The following TCP11L2 variants were observed in gnomAD, a reference collection of about 807,000 sequenced individuals.
TCP11L2 encodes the protein T-complex protein 11-like protein 2.
In TCP11L2, 39 loss-of-function variants were observed where a neutral mutation model predicts 50.7. The ratio of observed to expected loss-of-function variants is 0.77; its 90% confidence interval spans 0.60 to 1.01. The LOEUF is 1.01. Among genes scored for constraint, TCP11L2 ranks in the 50% least tolerant of loss-of-function variants. The pLI, the probability that TCP11L2 is intolerant of heterozygous loss-of-function variation, is 0.00. For missense variants in TCP11L2, 612 were observed against 614.7 expected, an observed-to-expected ratio of 1.00 and a Z score of 0.05; for synonymous variants, 192 against 219.3, an observed-to-expected ratio of 0.88 and a Z score of 1.10.
rs764092592 is a variant in TCP11L2 at position 106,335,800 on chromosome 12, G to C, written c.934G>C (p.Asp312His). The C allele has an allele frequency of 6.2e-7, 1 of 1,612,948 alleles. No individual in the cohort carries two copies. Among genetic ancestry groups the C allele is most frequent in the Non-Finnish European group, 8.5e-7 (1 of 1,179,748 alleles). The part of the protein sequence containing the change: ...NNSYLKLLQW[D>H]YQKKELPETL... The stretch of plus-strand genomic sequence containing the variant: ...TAGTTACTTGAAACTGTTACAGTGG[G>C]ATTATCAGAAAAAAGAATTACCAGA... The change falls in exon 7 of 10, where the codon GAT becomes CAT. Residue 312 changes from aspartate (D) to histidine (H), a missense_variant. Physicochemically the swap from Asp to His is moderately conservative, Grantham distance 81. Transcript: ENST00000299045.
At chr12:106,341,379 CAA>C (rs1475599689) in intron 9 of TCP11L2, among the ~76,000 whole-genome samples, 2 of 152,166 alleles carry the variant, frequency 1.3e-5, no homozygotes, top group Non-Finnish European at 2.9e-5. Flanking sequence ...CTTAAAGAGA[CAA>C]AGACTAAAAA....
intron 9 of TCP11L2, among the ~76,000 whole-genome samples, chr12:106,345,449 T>A (rs527532803): frequency 6.6e-6 from 1 of 152,350 alleles, no homozygotes; most frequent in South Asian, 2.1e-4. Flanking sequence ...TTGCCAGATC[T>A]CTAGATTTTT....
intron 6 of TCP11L2, among the ~76,000 whole-genome samples, chr12:106,332,271 G>A (rs773592504): frequency 1.9e-4 from 29 of 152,144 alleles, no homozygotes; most frequent in Non-Finnish European, 3.8e-4. Flanking sequence ...CTTATTAAAC[G>A]CAGTTACAAC....
At chr12:106,333,465 G>A (rs1295704422) in intron 6 of TCP11L2, among the ~76,000 whole-genome samples, 8 of 152,126 alleles carry the variant, frequency 5.3e-5, no homozygotes, top group Non-Finnish European at 1.2e-4. Context: ...GTTAAAAGTA[G>A]TTGAGTGAGG....
chr12:106,327,097 C>T (rs1458345930), intron 6 of TCP11L2, among the ~76,000 whole-genome samples: 1 of 152,194 alleles, frequency 6.6e-6, no homozygotes, highest in African/African-American at 2.4e-5. Context: ...AGCTTGGAAT[C>T]TTGAGCAAAT....
At chr12:106,303,751 A>G (rs990519600) in intron 1 of TCP11L2, 11 of 152,252 alleles carry the variant, frequency 7.2e-5, no homozygotes, top group African/African-American at 2.7e-4. Context: ...TCACAATGAT[A>G]GAGTTTCCTT....
chr12:106,343,969 T>C (rs1170405596), intron 9 of TCP11L2, among the ~76,000 whole-genome samples: 1 of 150,670 alleles, frequency 6.6e-6, no homozygotes, highest in Non-Finnish European at 1.5e-5. Flanking sequence ...CCATCTACAC[T>C]TTTAACAAGT....
intron 9 of TCP11L2, among the ~76,000 whole-genome samples, chr12:106,342,764 T>C (rs1221027401): frequency 6.6e-6 from 1 of 152,226 alleles, no homozygotes; most frequent in Non-Finnish European, 1.5e-5. Context: ...CCAGCCTGTC[T>C]GACTCCAGAG....
At chr12:106,335,363 T>C (rs2035879501) in intron 6 of TCP11L2, among the ~76,000 whole-genome samples, 1 of 152,216 alleles carries the variant, frequency 6.6e-6, no homozygotes, top group Non-Finnish European at 1.5e-5. Context: ...ACATCTAGAA[T>C]GTGCCATATG....
Position 106,346,445 on chromosome 12 carries a change from G to C in TCP11L2, c.1475G>C (p.Gly492Ala). 6.2e-7 allele frequency: 1 copy of C among 1,614,126 alleles called. No individual in the cohort carries two copies. The highest frequency in any genetic ancestry group is 1.3e-5 in the African/African-American group (1 of 75,034). ...GTGAATCTCAACAAACAAGTGTATGGACCATTTTATGCAAATATACTTCGA... is the reference window on the plus strand; with the variant it reads ...GTGAATCTCAACAAACAAGTGTATGCACCATTTTATGCAAATATACTTCGA... ...NIVNLNKQVYGPFYANILRKL... is the reference protein window; with the variant it reads ...NIVNLNKQVYAPFYANILRKL... The change falls in exon 10 of 10, where the codon GGA becomes GCA. Residue 492 changes from glycine (G) to alanine (A), a missense_variant. Transcript: ENST00000299045.
At chr12:106,328,522 C>T (rs752055963) in intron 6 of TCP11L2, among the ~76,000 whole-genome samples, 7 of 152,078 alleles carry the variant, frequency 4.6e-5, no homozygotes, top group Non-Finnish European at 8.8e-5. Context: ...CCAGCCTGGG[C>T]GACAGAGCAA....
At position 106,318,377 on chromosome 12, in the gene TCP11L2, G is replaced by C. The variant is rs909812620; in HGVS notation, c.327G>C (p.Gln109His). 1 of 1,613,870 alleles carries C rather than the reference G, an allele frequency of 6.2e-7. No individual in the cohort carries two copies. The highest frequency in any genetic ancestry group is 1.3e-5 in the African/African-American group (1 of 74,904). ...GTCGAGTGAAGCACATTGTTCACCA[G>C]GCCTTCTGGGACGTCTTGGATTCAG... ...LAGRVKHIVH[Q>H]AFWDVLDSEL... is the part of the protein sequence containing the mutation. Residue 109 changes from glutamine to histidine, a missense_variant, in exon 4 of 10, where the codon CAG (glutamine) becomes CAC (histidine). Transcript: ENST00000299045.
chr12:106,324,312 G>A (rs890098910), intron 6 of TCP11L2: 3 of 152,188 alleles, frequency 2.0e-5, no homozygotes, highest in Admixed American at 6.5e-5. Flanking sequence ...AGGGACTGCA[G>A]GTACAAAGGC....
At chr12:106,305,679 T>G (rs117337635) in intron 1 of TCP11L2, among the ~76,000 whole-genome samples, 2,789 of 152,352 alleles carry the variant, frequency 0.018, 37 homozygotes, top group Non-Finnish European at 0.028. Context: ...AAGCTCTAGC[T>G]GGCTCATTAG....
intron 1 of TCP11L2, chr12:106,303,707 T>C (rs1017193392): frequency 6.6e-6 from 1 of 152,244 alleles, no homozygotes; most frequent in Non-Finnish European, 1.5e-5. Flanking sequence ...TTTTCGTTAC[T>C]ATTAAGAAAA....
intron 9 of TCP11L2, 91 bp from the exon 10 acceptor site, chr12:106,346,195 G>C: frequency 7.5e-7 from 1 of 1,331,696 alleles, no homozygotes; most frequent in South Asian, 1.5e-5. Context: ...GAACATTATT[G>C]CAGTCAACCT....
chr12:106,333,867 A>G (rs1288728037), intron 6 of TCP11L2, among the ~76,000 whole-genome samples: 1 of 152,152 alleles, frequency 6.6e-6, no homozygotes, highest in Non-Finnish European at 1.5e-5. Context: ...TCAACTTCAT[A>G]TTTAATGACT....
chr12:106,314,816 A>G (rs2136658304), intron 3 of TCP11L2, among the ~76,000 whole-genome samples: 1 of 152,004 alleles, frequency 6.6e-6, no homozygotes, highest in East Asian at 1.9e-4. Context: ...CCTGGGCAGC[A>G]AAGCAAGACC....
chr12:106,318,617 C>T (rs572472492), intron 4 of TCP11L2, among the ~76,000 whole-genome samples, 153 bp downstream of exon 4: 24 of 152,380 alleles, frequency 1.6e-4, no homozygotes, highest in Non-Finnish European at 2.6e-4. Flanking sequence ...CCACCAGATT[C>T]GGCATCTGGT....
Sources: allele counts gnomAD v4.1 joint callset (sites outside exome capture counted in the v4.1 genomes callset), GRCh38; gene constraint gnomAD v4.1.1; transcripts MANE v1.5; gene names NCBI Gene and HGNC (gene_info 2026-07-23, HGNC 2026-07-21).